The following PIK3R5 variants were observed in gnomAD, a reference collection of about 807,000 sequenced individuals.
PIK3R5 encodes phosphoinositide 3-kinase regulatory subunit 5.
Under a neutral mutation model 94.9 loss-of-function variants are expected in PIK3R5, and 32 were observed. That is an observed-to-expected ratio of 0.34 (90% CI 0.25 to 0.45). The LOEUF (loss-of-function observed/expected upper bound fraction) is 0.45, where lower values mean the gene tolerates loss of function less well. Ranked by LOEUF, PIK3R5 falls within the 20% of genes least tolerant of loss-of-function variation. The pLI is 1.00. For synonymous variants in PIK3R5, 443 were observed against 479.4 expected, an observed-to-expected ratio of 0.92 and a Z score of 0.99; for missense variants, 853 against 1,144.6, an observed-to-expected ratio of 0.75 and a Z score of 3.68.
chr17:8,892,372 T>A lies in PIK3R5; in HGVS notation c.482+1214A>T, dbSNP rs1395663894. 1.3e-5 allele frequency among the ~76,000 whole-genome samples: 2 copies of A among 152,030 alleles called. No homozygotes were observed. Among genetic ancestry groups the A allele is most frequent in the African/African-American group, 2.4e-5 (1 of 41,372 alleles). ...CCCTGCCCTCACCAGCTTGCATAAT[T>A]TCTCTCCCGAAGAATTTATCATCAT... On this transcript the variant is annotated intron_variant, in intron 6 of 18. Coordinates refer to ENST00000447110, the MANE Select transcript of PIK3R5 (RefSeq NM_001142633.3). This position sits in a 1 kb window ranked among gnomAD's most constrained non-coding sequence, Gnocchi z 4.3.
intron 1 of PIK3R5, chr17:8,915,802 A>G (rs1177785923): frequency 6.6e-6 from 1 of 152,400 alleles, no homozygotes; most frequent in Non-Finnish European, 1.5e-5. Flanking sequence ...TTCTCAGCCA[A>G]CACCACTTCT....
chr17:8,963,526 C>CT (rs5819210), intron 1 of PIK3R5, among the ~76,000 whole-genome samples: 5,373 of 145,712 alleles, frequency 0.037, 296 homozygotes, highest in African/African-American at 0.12. Context: ...TCTTCTTCTT[C>CT]TTTTTTTTTT....
rs571717014 is a variant in PIK3R5, at chr17:8,884,811, C to T, written c.2129-28G>A. The T allele has an allele frequency of 2.5e-6, 4 of 1,606,534 alleles. No homozygotes were observed. The South Asian group carries it at 4.4e-5, about 18-fold the overall frequency. ...GTGCCACACACAGACAGACCCTTCACTACCCCTGGCTTCCCCGGCTCCTCA... is the reference window on the plus strand; with the variant it reads ...GTGCCACACACAGACAGACCCTTCATTACCCCTGGCTTCCCCGGCTCCTCA... On this transcript the variant is annotated intron_variant, in intron 14 of 18. Coordinates refer to ENST00000447110, the MANE Select transcript of PIK3R5 (RefSeq NM_001142633.3). The surrounding 1 kb of genome is among the most constrained non-coding windows in gnomAD (Gnocchi z 5.8).
At position 8,905,602 on chromosome 17, in the gene PIK3R5, G is replaced by GC. The variant is rs2090376904; in HGVS notation, c.273+66dup. ...TTATCTCCAGAGGTGTGAGGGCTCT[G>GC]CCCCAGATAGAGGTCGCTCCTCCCC... On this transcript the variant is annotated intron_variant, in intron 4 of 18. Transcript: ENST00000447110. The GC allele has an allele frequency of 4.2e-6, 5 of 1,190,848 alleles. No homozygotes were observed. The Admixed American group carries it at 6.5e-5, about 16-fold the overall frequency. The allele number at this position is 1,190,848 out of a possible 1,614,324, so 73.8% of individuals were successfully genotyped here. A position where few individuals can be genotyped will look rare whatever the true frequency, so the allele number is the denominator to read the frequency against.
rs540061694 is a variant in PIK3R5 at position 8,935,547 on chromosome 17, G to C, written c.-13-24040C>G. Among the ~76,000 whole-genome samples the C allele has an allele frequency of 6.6e-6, 1 of 151,878 alleles. No individual in the cohort carries two copies. The highest frequency in any genetic ancestry group is 2.4e-5 in the African/African-American group (1 of 41,356). On this transcript the variant is annotated intron_variant, in intron 1 of 18. Coordinates refer to ENST00000447110, the MANE Select transcript of PIK3R5 (RefSeq NM_001142633.3). This position sits in a 1 kb window ranked among gnomAD's most constrained non-coding sequence, Gnocchi z 4.5. ...TTCAGGTCAGAACCCAAGCTTCCCC[G>C]GAGCTGTTCCTAAGACCTCAGAGTA... is the stretch of plus-strand genomic sequence containing the variant.
chr17:8,943,497 G>A (rs1385858596), intron 1 of PIK3R5, among the ~76,000 whole-genome samples: 1 of 152,186 alleles, frequency 6.6e-6, no homozygotes, highest in African/African-American at 2.4e-5. Flanking sequence ...TCTTGGCTGG[G>A]CGCGGTGGCT....
chr17:8,931,929 C>G (rs1039277390), intron 1 of PIK3R5, among the ~76,000 whole-genome samples: 1 of 152,260 alleles, frequency 6.6e-6, no homozygotes, highest in East Asian at 1.9e-4. Flanking sequence ...GCTTATCCAC[C>G]TATAAATTAA....
At chr17:8,956,133 T>C (rs1197670753) in intron 1 of PIK3R5, among the ~76,000 whole-genome samples, 2 of 151,792 alleles carry the variant, frequency 1.3e-5, no homozygotes, top group African/African-American at 4.8e-5. Flanking sequence ...TGTACTCCAG[T>C]CTGGGTGACA....
intron 1 of PIK3R5, among the ~76,000 whole-genome samples, chr17:8,927,708 T>C (rs1169342516): frequency 6.6e-6 from 1 of 152,216 alleles, no homozygotes; most frequent in Non-Finnish European, 1.5e-5. Context: ...ATGTTTTTTT[T>C]TGGTCCCACC....
intron 3 of PIK3R5, among the ~76,000 whole-genome samples, chr17:8,906,511 T>A (rs1597392666): frequency 6.6e-6 from 1 of 152,320 alleles, no homozygotes; most frequent in East Asian, 1.9e-4. Flanking sequence ...CCTTCATGGA[T>A]TTTTGCTTTT....
In PIK3R5 at chr17:8,889,628, T is replaced by TG. The variant is rs1307117222; in HGVS notation, c.811+344dup. 4.6e-5 allele frequency among the ~76,000 whole-genome samples: 7 copies of TG among 152,256 alleles called. No individual in the cohort carries two copies. Among genetic ancestry groups the TG allele is most frequent in the African/African-American group, 1.7e-4 (7 of 41,538 alleles). ...AGAGACGATGTTTCCCAGGCTCCTT[T>TG]GGGGCAAGATGTGGCCACGTGACCA... On this transcript the variant is annotated intron_variant, in intron 8 of 18. Transcript: ENST00000447110. This position sits in a 1 kb window ranked among gnomAD's most constrained non-coding sequence, Gnocchi z 4.1.
In PIK3R5 at chr17:8,893,410, A is replaced by G. The variant is rs1380749728; in HGVS notation, c.482+176T>C. ...CTAGAAAAACACACCTGGACACAAA[A>G]TATCACCAGCAGTGCCAGGGGGTTC... On this transcript the variant is annotated intron_variant, in intron 6 of 18. Transcript: ENST00000447110. This position sits in a 1 kb window ranked among gnomAD's most constrained non-coding sequence, Gnocchi z 5.1. Among the ~76,000 whole-genome samples, 2 of 152,102 alleles carry G rather than the reference A, an allele frequency of 1.3e-5. No homozygotes were observed. The highest frequency in any genetic ancestry group is 3.9e-4 in the East Asian group (2 of 5,190).
At chr17:8,917,193 G>C (rs1022200039) in intron 1 of PIK3R5, among the ~76,000 whole-genome samples, 1 of 152,178 alleles carries the variant, frequency 6.6e-6, no homozygotes, top group East Asian at 1.9e-4. Context: ...GTGAGAAAAG[G>C]GTGGATAGGA....
intron 1 of PIK3R5, among the ~76,000 whole-genome samples, chr17:8,929,006 C>T (rs1210767395): frequency 2.6e-5 from 4 of 152,076 alleles, no homozygotes; most frequent in Non-Finnish European, 4.4e-5. Context: ...AAGGGAGGTA[C>T]AGTTCACTAG....
chr17:8,946,885 C>A (rs1006978555), intron 1 of PIK3R5, among the ~76,000 whole-genome samples: 10 of 152,142 alleles, frequency 6.6e-5, no homozygotes, highest in Non-Finnish European at 4.4e-5. Flanking sequence ...TCTCGGCTGC[C>A]TCCTGCCTTA....
At chr17:8,914,745 G>A (rs1211535750) in intron 1 of PIK3R5, among the ~76,000 whole-genome samples, 3 of 152,370 alleles carry the variant, frequency 2.0e-5, no homozygotes, top group East Asian at 3.9e-4. Flanking sequence ...AGGGGCAGAG[G>A]GGGCATCTTG....
chr17:8,963,758 C>T (rs1261534439), intron 1 of PIK3R5, among the ~76,000 whole-genome samples: 2 of 152,070 alleles, frequency 1.3e-5, no homozygotes, highest in Non-Finnish European at 2.9e-5. Flanking sequence ...TCTGCTTCTA[C>T]TGCAGCCTGA....
intron 1 of PIK3R5, among the ~76,000 whole-genome samples, chr17:8,920,450 C>G (rs568814868): frequency 6.6e-6 from 1 of 152,166 alleles, no homozygotes; most frequent in African/African-American, 2.4e-5. Flanking sequence ...CCAGATCAGA[C>G]GGCAGTAAAT....
At chr17:8,928,551 A>G (rs766154043) in intron 1 of PIK3R5, among the ~76,000 whole-genome samples, 1 of 152,240 alleles carries the variant, frequency 6.6e-6, no homozygotes, top group Non-Finnish European at 1.5e-5. Flanking sequence ...AATTTGAATG[A>G]CAGTGTACTT....
Sources: gnomAD v4.1 joint callset for allele counts (sites outside exome capture counted in the v4.1 genomes callset) on GRCh38, gnomAD v4.1.1 for gene constraint, Gnocchi (gnomAD v3.1) non-coding constraint, MANE v1.5 for transcripts, NCBI Gene and HGNC (gene_info 2026-07-23, HGNC 2026-07-21) for gene names.